PCDHGA2: variants seen among roughly 807,000 people sequenced by gnomAD.
The protein encoded by PCDHGA2 is protocadherin gamma subfamily A, 2, also known as protocadherin gamma-A2.
Under a neutral mutation model 59.2 loss-of-function variants are expected in PCDHGA2, and 40 were observed. The observed-to-expected ratio is 0.68, with a 90% CI of 0.52 to 0.88. The LOEUF (loss-of-function observed/expected upper bound fraction) is 0.88, where lower values mean the gene tolerates loss of function less well. Among genes scored for constraint, PCDHGA2 ranks in the 40% least tolerant of loss-of-function variants. PCDHGA2 has a pLI of 0.00. For synonymous variants in PCDHGA2, 560 were observed against 526.0 expected (o/e 1.06, Z -0.89); for missense variants, 1,226 against 1,204.0 (o/e 1.02, Z -0.27).
chr5:141,410,602 T>A, intron 1 of PCDHGA2: 4 of 1,607,792 alleles, frequency 2.5e-6, no homozygotes, highest in South Asian at 2.2e-5. Flanking sequence ...TGACTTCACA[T>A]CCTGAGACTC....
rs2096175268 is a variant in PCDHGA2, at chr5:141,417,870, G to A, written c.2424+76475G>A. On this transcript the variant is annotated intron_variant, in intron 1 of 3. Transcript: ENST00000394576. ...GAACCCGAGCGAACGATGGGAGGGA[G>A]CTGCGCGCAGAGGCGCCGGGCCGGC... 3 of 1,553,910 alleles carry A rather than the reference G, an allele frequency of 1.9e-6. No homozygotes were observed. Among genetic ancestry groups the A allele is most frequent in the Admixed American group, 2.0e-5 (1 of 51,084 alleles).
At position 141,431,141 on chromosome 5, in the gene PCDHGA2, G is replaced by C. The variant is rs1262504427; in HGVS notation, c.2425-63666G>C. 1 of 1,614,094 alleles carries C rather than the reference G, an allele frequency of 6.2e-7. No individual in the cohort carries two copies. The highest frequency in any genetic ancestry group is 2.2e-5 in the East Asian group (1 of 44,896). On this transcript the variant is annotated intron_variant, in intron 1 of 3. Coordinates refer to ENST00000394576, the MANE Select transcript of PCDHGA2 (RefSeq NM_018915.4). The surrounding 1 kb of genome is among the most constrained non-coding windows in gnomAD (Gnocchi z 4.8). The stretch of plus-strand genomic sequence containing the variant: ...AGAAGTAGAAGTAAGGGACATTAAC[G>C]ACAATGCGCCTTACTTTCGTGAAAG...
At position 141,486,530 on chromosome 5, in the gene PCDHGA2, C is replaced by T; in HGVS notation, c.2425-8277C>T. 6.2e-7 allele frequency: 1 copy of T among 1,614,174 alleles called. No homozygotes were observed. The highest frequency in any genetic ancestry group is 8.5e-7 in the Non-Finnish European group (1 of 1,180,022). On this transcript the variant is annotated intron_variant, in intron 1 of 3. Transcript: ENST00000394576. The surrounding 1 kb of genome is among the most constrained non-coding windows in gnomAD (Gnocchi z 5.0). Reference sequence around the variant, plus strand: ...TATTTCAGATGTGAATGATAATCCACCCTCTTTCTTTCAGAGGTCACATGA... The same window carrying T: ...TATTTCAGATGTGAATGATAATCCATCCTCTTTCTTTCAGAGGTCACATGA...
chr5:141,404,200 A>C, intron 1 of PCDHGA2: 1 of 1,613,696 alleles, frequency 6.2e-7, no homozygotes, highest in Non-Finnish European at 8.5e-7. Context: ...AAAAAGCCTC[A>C]GAATATAATA....
At chr5:141,471,046 CTT>C (rs1170588345) in intron 1 of PCDHGA2, among the ~76,000 whole-genome samples, 2,578 of 113,210 alleles carry the variant, frequency 0.023, 53 homozygotes, top group East Asian at 0.11. Context: ...CCCAAGCCCT[CTT>C]TTTTTTTTTT....
chr5:141,398,597 C>A (rs986852077), intron 1 of PCDHGA2: 4 of 1,614,006 alleles, frequency 2.5e-6, no homozygotes, highest in Non-Finnish European at 3.4e-6. Flanking sequence ...CTAGAAGTAG[C>A]AGAAGATGCA....
At position 141,413,407 on chromosome 5, in the gene PCDHGA2, C is replaced by G. The variant is rs372466798; in HGVS notation, c.2424+72012C>G. The G allele has an allele frequency of 3.3e-5, 53 of 1,613,926 alleles. No homozygotes were observed. Among genetic ancestry groups the G allele is most frequent in the Middle Eastern group, 1.6e-4 (1 of 6,082 alleles). ...CATAGTCTCCAGAGGTAGGACGCAG[C>G]TTTTCTCTCTGAACCCGCGCAGCGG... On this transcript the variant is annotated intron_variant, in intron 1 of 3. Transcript: ENST00000394576.
intron 2 of PCDHGA2, among the ~76,000 whole-genome samples, chr5:141,504,799 C>A (rs1474096570): frequency 6.6e-6 from 1 of 151,994 alleles, no homozygotes; most frequent in African/African-American, 2.4e-5. Context: ...CCTACATCTC[C>A]CCCTAGGTAC....
At chr5:141,509,551 C>T (rs2099877337) in intron 3 of PCDHGA2, among the ~76,000 whole-genome samples, 1 of 152,164 alleles carries the variant, frequency 6.6e-6, no homozygotes, top group South Asian at 2.1e-4. Context: ...CTCATTTAGT[C>T]CTCACAGCAG....
At chr5:141,345,800 C>A (rs1244081974) in intron 1 of PCDHGA2, 3 of 1,613,880 alleles carry the variant, frequency 1.9e-6, no homozygotes, top group African/African-American at 1.3e-5. Context: ...ACCTGGTGAC[C>A]AAGGTGGTGG....
intron 1 of PCDHGA2, among the ~76,000 whole-genome samples, chr5:141,460,997 G>A (rs1322943324): frequency 3.4e-5 from 5 of 147,290 alleles, no homozygotes; most frequent in Admixed American, 1.4e-4. Flanking sequence ...ATATATATAT[G>A]TGTATATATA....
intron 1 of PCDHGA2, chr5:141,393,960 G>A (rs2092885452): frequency 4.3e-6 from 7 of 1,613,944 alleles, no homozygotes; most frequent in Non-Finnish European, 5.1e-6. Context: ...TGGTCAAGTT[G>A]TCTGTTACAC....
At position 141,432,003 on chromosome 5, in the gene PCDHGA2, T is replaced by A; in HGVS notation, c.2425-62804T>A. On this transcript the variant is annotated intron_variant, in intron 1 of 3. Coordinates refer to ENST00000394576, the MANE Select transcript of PCDHGA2 (RefSeq NM_018915.4). This position sits in a 1 kb window ranked among gnomAD's most constrained non-coding sequence, Gnocchi z 6.0. ...GACATAGTCTTGGATAGGGAACAGG[T>A]TCCTAGCTACAACATCACAGTGACC... The A allele has an allele frequency of 6.2e-7, 1 of 1,614,116 alleles. No individual in the cohort carries two copies.
intron 1 of PCDHGA2, chr5:141,410,157 C>T: frequency 6.2e-7 from 1 of 1,613,546 alleles, no homozygotes; most frequent in Non-Finnish European, 8.5e-7. Context: ...GGTGGACAGC[C>T]GCCACTCTCT....
chr5:141,346,784 C>T (rs539748939), intron 1 of PCDHGA2, among the ~76,000 whole-genome samples: 1 of 152,304 alleles, frequency 6.6e-6, no homozygotes, highest in East Asian at 1.9e-4. Context: ...CCTTGAGTAA[C>T]TATGATGAGA....
chr5:141,424,497 A>G (rs2096824503), intron 1 of PCDHGA2: 2 of 152,174 alleles, frequency 1.3e-5, no homozygotes, highest in African/African-American at 2.4e-5. Flanking sequence ...GTTTGTATGT[A>G]TGGAAGGTTT....
chr5:141,376,914 C>G (rs1025348102), intron 1 of PCDHGA2: 2 of 179,598 alleles, frequency 1.1e-5, no homozygotes, highest in Non-Finnish European at 2.3e-5. Flanking sequence ...GTCTCGATCT[C>G]CTGACCTCAT....
intron 1 of PCDHGA2, among the ~76,000 whole-genome samples, chr5:141,430,013 G>T (rs2097256191): frequency 6.6e-6 from 1 of 151,922 alleles, no homozygotes; most frequent in South Asian, 2.1e-4. Context: ...TTTTCACTTG[G>T]GTTCTTGTTA....
chr5:141,369,695 A>C (rs1418423845), intron 1 of PCDHGA2, among the ~76,000 whole-genome samples: 3 of 152,228 alleles, frequency 2.0e-5, no homozygotes, highest in African/African-American at 4.8e-5. Flanking sequence ...ATAAAACTAA[A>C]AGCTATGACA....
Sources: gnomAD v4.1 joint callset for allele counts (sites outside exome capture counted in the v4.1 genomes callset) on GRCh38, gnomAD v4.1.1 for gene constraint, Gnocchi (gnomAD v3.1) non-coding constraint, MANE v1.5 for transcripts, NCBI Gene and HGNC (gene_info 2026-07-23, HGNC 2026-07-21) for gene names.